The following AGXT2 variants were observed in gnomAD, a reference collection of about 807,000 sequenced individuals.
AGXT2 encodes the protein alanine--glyoxylate aminotransferase 2, mitochondrial.
Under a neutral mutation model 62.5 loss-of-function variants are expected in AGXT2, and 61 were observed. That is an observed-to-expected ratio of 0.98 (90% CI 0.79 to 1.21). The LOEUF (loss-of-function observed/expected upper bound fraction) is 1.21. Among genes scored for constraint, AGXT2 ranks in the 50% most tolerant of loss-of-function variants. AGXT2 has a pLI of 0.00. For synonymous variants in AGXT2, 243 were observed against 218.7 expected (o/e 1.11, Z -0.98); for missense variants, 666 against 641.5 (o/e 1.04, Z -0.41).
At chr5:35,013,137 G>A (rs1766707131) in intron 10 of AGXT2, 92 bp from the exon 11 acceptor site, 1 of 1,109,456 alleles carries the variant, frequency 9.0e-7, no homozygotes, top group Admixed American at 2.0e-5. Flanking sequence ...ACTTCGTGTT[G>A]TAAATGGCAT....
intron 9 of AGXT2, among the ~76,000 whole-genome samples, chr5:35,023,180 A>G (rs1468390438): frequency 2.0e-5 from 3 of 151,376 alleles, no homozygotes; most frequent in Non-Finnish European, 4.4e-5. Flanking sequence ...AAAAAAAGAA[A>G]AAAGAAAAAA....
At chr5:35,043,640 C>T (rs985878170) in intron 1 of AGXT2, among the ~76,000 whole-genome samples, 1 of 152,078 alleles carries the variant, frequency 6.6e-6, no homozygotes, top group African/African-American at 2.4e-5. Flanking sequence ...TCAAACAATT[C>T]TCCCACCTCA....
intron 9 of AGXT2, among the ~76,000 whole-genome samples, chr5:35,023,739 G>A (rs1455565950): frequency 6.6e-6 from 1 of 152,182 alleles, no homozygotes; most frequent in Non-Finnish European, 1.5e-5. Context: ...GAGCAGGCTG[G>A]CCCAAGTTGC....
chr5:35,016,245 G>A (rs1427683955), intron 9 of AGXT2, among the ~76,000 whole-genome samples: 1 of 152,178 alleles, frequency 6.6e-6, no homozygotes, highest in African/African-American at 2.4e-5. Context: ...TGAAAAGGAA[G>A]CCTAGCATGA....
chr5:35,001,623 G>A (rs926531844), intron 13 of AGXT2, among the ~76,000 whole-genome samples: 5 of 152,202 alleles, frequency 3.3e-5, no homozygotes, highest in Non-Finnish European at 5.9e-5. Flanking sequence ...TTAGGACAGT[G>A]CCTGACAAGC....
intron 9 of AGXT2, among the ~76,000 whole-genome samples, chr5:35,015,590 C>T (rs906252042): frequency 6.6e-6 from 1 of 152,104 alleles, no homozygotes; most frequent in African/African-American, 2.4e-5. Context: ...TGGCTCATGC[C>T]TGTAATCTCA....
Position 35,037,018 on chromosome 5 carries a change from G to C in AGXT2, c.410C>G (p.Thr137Arg), listed in dbSNP as rs1466982858. 1 of 1,614,204 alleles carries C rather than the reference G, an allele frequency of 6.2e-7. No homozygotes were observed. The highest frequency in any genetic ancestry group is 8.5e-7 in the Non-Finnish European group (1 of 1,180,026). Reference sequence around the variant, plus strand: ...TGGAGGGTGGAAGAAGACGGTGCTTGTATGCCACAGGCGGCCGAGCTGCTT... The same window carrying C: ...TGGAGGGTGGAAGAAGACGGTGCTTCTATGCCACAGGCGGCCGAGCTGCTT... ...AQKQLGRLWH[T>R]STVFFHPPMH... The change falls in exon 4 of 14, where the codon ACA becomes AGA. Residue 137 changes from threonine (T) to arginine (R), a missense_variant. Thr to Arg is a moderately conservative substitution (Grantham distance 71). Coordinates refer to ENST00000231420, the MANE Select transcript of AGXT2 (RefSeq NM_031900.4).
At chr5:35,043,744 G>A (rs1001932561) in intron 1 of AGXT2, among the ~76,000 whole-genome samples, 3 of 152,102 alleles carry the variant, frequency 2.0e-5, no homozygotes, top group Non-Finnish European at 2.9e-5. Context: ...TACATGGAGT[G>A]CAGTGGTGGA....
chr5:35,030,779 C>T (rs1435625568), intron 7 of AGXT2, among the ~76,000 whole-genome samples: 2 of 152,174 alleles, frequency 1.3e-5, no homozygotes, highest in Non-Finnish European at 2.9e-5. Context: ...CTACTAGGCT[C>T]TGTGCTGGTG....
chr5:35,001,698 G>A (rs968827979), intron 13 of AGXT2, among the ~76,000 whole-genome samples: 6 of 152,198 alleles, frequency 3.9e-5, no homozygotes, highest in East Asian at 1.9e-4. Context: ...TCTGTGTGGT[G>A]TGATGTGGTG....
chr5:35,004,888 G>C (rs935566600), intron 12 of AGXT2, among the ~76,000 whole-genome samples: 1 of 152,136 alleles, frequency 6.6e-6, no homozygotes, highest in African/African-American at 2.4e-5. Flanking sequence ...TTTCTTGTAA[G>C]GTGTCATTGT....
At chr5:35,047,662 A>T (rs1768297628) in intron 1 of AGXT2, 143 bp downstream of exon 1, 1 of 1,050,636 alleles carries the variant, frequency 9.5e-7, no homozygotes, top group African/African-American at 1.6e-5. Flanking sequence ...TCAGGGTGAG[A>T]ACCTGTGTGT....
At chr5:35,033,074 G>C in intron 6 of AGXT2, 2 of 520,632 alleles carry the variant, frequency 3.8e-6, no homozygotes, top group Non-Finnish European at 6.9e-6. Flanking sequence ...AGGGTGCAGT[G>C]GGTAAGGGCA....
At chr5:35,020,205 C>A (rs1246665128) in intron 9 of AGXT2, among the ~76,000 whole-genome samples, 1 of 152,308 alleles carries the variant, frequency 6.6e-6, no homozygotes, top group African/African-American at 2.4e-5. Flanking sequence ...AAGAGGGAAT[C>A]CTCCCTAACT....
At chr5:35,047,734 A>G in intron 1 of AGXT2, 71 bp downstream of exon 1, 1 of 1,568,516 alleles carries the variant, frequency 6.4e-7, no homozygotes, top group South Asian at 1.2e-5. Flanking sequence ...CCCAGGCAGC[A>G]GCCTTCGGAG....
intron 9 of AGXT2, among the ~76,000 whole-genome samples, chr5:35,020,585 G>C (rs1266503584): frequency 6.6e-6 from 1 of 152,128 alleles, no homozygotes; most frequent in Non-Finnish European, 1.5e-5. Context: ...AAAATAATAA[G>C]AGGTATCTAT....
chr5:35,044,969 T>A (rs141993419), intron 1 of AGXT2, among the ~76,000 whole-genome samples: 5 of 152,142 alleles, frequency 3.3e-5, no homozygotes, highest in African/African-American at 1.2e-4. Flanking sequence ...AATAGATGAC[T>A]TTTTGTGCCC....
At chr5:35,040,321 G>T (rs1767936979) in intron 2 of AGXT2, among the ~76,000 whole-genome samples, 1 of 152,170 alleles carries the variant, frequency 6.6e-6, no homozygotes. Flanking sequence ...TAATTATCAT[G>T]TGTAGTGTGC....
chr5:35,033,796 A>G (rs1767668417), intron 5 of AGXT2, among the ~76,000 whole-genome samples: 1 of 152,198 alleles, frequency 6.6e-6, no homozygotes, highest in South Asian at 2.1e-4. Context: ...AAGAACTCCA[A>G]TCTTAGGACC....
Sources: gnomAD v4.1 joint callset for allele counts (sites outside exome capture counted in the v4.1 genomes callset) on GRCh38, gnomAD v4.1.1 for gene constraint, MANE v1.5 for transcripts, NCBI Gene and HGNC (gene_info 2026-07-23, HGNC 2026-07-21) for gene names.